STRIP2: variants seen among roughly 807,000 people sequenced by gnomAD.
STRIP2 encodes the protein striatin-interacting protein 2.
A neutral mutation model predicts 107.1 loss-of-function variants in STRIP2; 84 were observed. The observed-to-expected ratio is 0.78, with a 90% CI of 0.66 to 0.94. The LOEUF (loss-of-function observed/expected upper bound fraction) is 0.94, where lower values mean the gene tolerates loss of function less well. Among genes scored for constraint, STRIP2 ranks in the 40% least tolerant of loss-of-function variants. The pLI is 0.00. For missense variants in STRIP2, 888 were observed against 1,034.2 expected (o/e 0.86, Z 1.94); for synonymous variants, 394 against 400.4 (o/e 0.98, Z 0.19).
At chr7:129,449,459 A>G (rs982388993) in intron 3 of STRIP2, among the ~76,000 whole-genome samples, 1 of 152,210 alleles carries the variant, frequency 6.6e-6, no homozygotes, top group Non-Finnish European at 1.5e-5. Flanking sequence ...GGCAACTGCC[A>G]TCACTGTTGC....
intron 5 of STRIP2, 56 bp downstream of exon 5, chr7:129,453,403 C>T (rs1171215674): frequency 2.5e-6 from 4 of 1,604,466 alleles, no homozygotes; most frequent in Non-Finnish European, 3.4e-6. Context: ...TTAAAGGGGC[C>T]TCATGTTCTA....
chr7:129,443,240 A>T (rs558215631), intron 2 of STRIP2, among the ~76,000 whole-genome samples: 1 of 152,020 alleles, frequency 6.6e-6, no homozygotes, highest in African/African-American at 2.4e-5. Context: ...GGGTCATGCT[A>T]TGTTGCCCAG....
intron 3 of STRIP2, among the ~76,000 whole-genome samples, chr7:129,447,527 A>C (rs894324266): frequency 2.0e-5 from 3 of 152,214 alleles, no homozygotes; most frequent in African/African-American, 7.2e-5. Context: ...TAATGTCATC[A>C]ATGTAATGGA....
At chr7:129,436,835 C>T (rs77584071) in intron 1 of STRIP2, among the ~76,000 whole-genome samples, 1,891 of 152,316 alleles carry the variant, frequency 0.012, 37 homozygotes, top group African/African-American at 0.043. Flanking sequence ...CCTTCTCCCA[C>T]TGGCTTAGTG....
chr7:129,488,051 A>G lies in STRIP2; in HGVS notation c.*2222A>G, dbSNP rs189804170. On this transcript the variant is annotated 3_prime_UTR_variant, in exon 21 of 21. Coordinates refer to ENST00000249344, the MANE Select transcript of STRIP2 (RefSeq NM_020704.3). Reference sequence around the variant, plus strand: ...CTTTCAGGTATTGACAGCCAGCCCCATATATTAAGGTAACCAGGTTGAATC... The same window carrying G: ...CTTTCAGGTATTGACAGCCAGCCCCGTATATTAAGGTAACCAGGTTGAATC... 1 of 152,310 alleles carries G rather than the reference A, an allele frequency of 6.6e-6. No homozygotes were observed. The highest frequency in any genetic ancestry group is 2.4e-5 in the African/African-American group (1 of 41,576). The allele number at this position is 152,310 out of a possible 1,614,324, so 9.4% of individuals were successfully genotyped here. A position where few individuals can be genotyped will look rare whatever the true frequency, so the allele number is the denominator to read the frequency against.
chr7:129,456,685 C>A, intron 9 of STRIP2, 43 bp downstream of exon 9: 1 of 1,541,096 alleles, frequency 6.5e-7, no homozygotes, highest in Non-Finnish European at 8.9e-7. Context: ...ACCGACTGGC[C>A]AAAAATCAAG....
Position 129,458,722 on chromosome 7 carries a change from A to C in STRIP2, c.1285A>C (p.Ile429Leu), listed in dbSNP as rs375518925. ...CCACCATCCTCTCAGACAGAAGGAC[A>C]TTGAGCACTTCTTGGAGATGAGCAG... Reference protein sequence around the residue: ...PWAPKVRQKDIEHFLEMSRNK... With the variant: ...PWAPKVRQKDLEHFLEMSRNK... Residue 429 changes from isoleucine (I) to leucine (L), a missense_variant, in exon 11 of 21, where the codon ATT (isoleucine) becomes CTT (leucine). Coordinates refer to ENST00000249344, the MANE Select transcript of STRIP2 (RefSeq NM_020704.3). This position sits in a 1 kb window ranked among gnomAD's most constrained non-coding sequence, Gnocchi z 4.6. 41 of 1,614,050 alleles carry C rather than the reference A, an allele frequency of 2.5e-5. No individual in the cohort carries two copies. Among genetic ancestry groups the C allele is most frequent in the Non-Finnish European group, 3.4e-5 (40 of 1,180,026 alleles).
chr7:129,474,653 G>T lies in STRIP2; in HGVS notation c.1944+3938G>T, dbSNP rs550096928. On this transcript the variant is annotated intron_variant, in intron 18 of 20. Coordinates refer to ENST00000249344, the MANE Select transcript of STRIP2 (RefSeq NM_020704.3). The stretch of plus-strand genomic sequence containing the variant: ...ACCTCCCAAGTAGCTGGGATTACAG[G>T]TGTGTGCCATTACTGCCCAGCTAAT... 4.3e-4 allele frequency among the ~76,000 whole-genome samples: 65 copies of T among 152,236 alleles called. No individual in the cohort carries two copies. The East Asian group carries it at 0.012, about 28-fold the overall frequency.
At position 129,458,665 on chromosome 7, in the gene STRIP2, T is replaced by C. The variant is rs746557061; in HGVS notation, c.1275-47T>C. Reference sequence around the variant, plus strand: ...CGGAAAGTTTTTCTCTCTCAAAGTTTGCTTTTCTTCCCTTCTCTGGGATTG... The same window carrying C: ...CGGAAAGTTTTTCTCTCTCAAAGTTCGCTTTTCTTCCCTTCTCTGGGATTG... On this transcript the variant is annotated intron_variant, in intron 10 of 20. Coordinates refer to ENST00000249344, the MANE Select transcript of STRIP2 (RefSeq NM_020704.3). The surrounding 1 kb of genome is among the most constrained non-coding windows in gnomAD (Gnocchi z 4.6). 1 of 1,608,212 alleles carries C rather than the reference T, an allele frequency of 6.2e-7. No homozygotes were observed. Among genetic ancestry groups the C allele is most frequent in the Non-Finnish European group, 8.5e-7 (1 of 1,174,714 alleles).
At chr7:129,474,835 C>T (rs967058522) in intron 18 of STRIP2, among the ~76,000 whole-genome samples, 3 of 152,162 alleles carry the variant, frequency 2.0e-5, no homozygotes, top group Admixed American at 2.0e-4. Context: ...TATATTTTTT[C>T]AGTTTTCTGA....
chr7:129,435,300 C>T (rs1797704794), intron 1 of STRIP2, among the ~76,000 whole-genome samples: 1 of 152,172 alleles, frequency 6.6e-6, no homozygotes, highest in South Asian at 2.1e-4. Context: ...AAAAAGAAAC[C>T]CTATCTATGA....
chr7:129,438,843 A>T (rs1176709296), intron 1 of STRIP2, among the ~76,000 whole-genome samples: 1 of 152,224 alleles, frequency 6.6e-6, no homozygotes, highest in Non-Finnish European at 1.5e-5. Context: ...TAATTTTATT[A>T]TAAAGGATAT....
chr7:129,484,419 T>C (rs1176515316), intron 20 of STRIP2: 1 of 152,238 alleles, frequency 6.6e-6, no homozygotes, highest in Non-Finnish European at 1.5e-5. Flanking sequence ...TATTTGAGAA[T>C]TTTTGGTAAT....
chr7:129,464,127 A>G lies in STRIP2; in HGVS notation c.1635A>G (p.Leu545=), dbSNP rs1387303058. Residue 545 remains leucine (L), a synonymous_variant, in exon 15 of 21, where the codon CTA becomes CTG. Transcript: ENST00000249344. ...TDSINILADV[L]PEEMPITVLQ... is the part of the protein sequence containing the mutation. ...CTATCAATATCCTGGCAGATGTCCTACCTGAGGAGATGCCGTGAGTGCTTC... is the reference window on the plus strand; with the variant it reads ...CTATCAATATCCTGGCAGATGTCCTGCCTGAGGAGATGCCGTGAGTGCTTC... 4 of 1,611,786 alleles carry G rather than the reference A, an allele frequency of 2.5e-6. No individual in the cohort carries two copies. Among genetic ancestry groups the G allele is most frequent in the Non-Finnish European group, 3.4e-6 (4 of 1,179,742 alleles).
chr7:129,460,290 A>G lies in STRIP2; in HGVS notation c.1405-11A>G. 6.2e-7 allele frequency: 1 copy of G among 1,612,768 alleles called. No homozygotes were observed. The highest frequency in any genetic ancestry group is 1.1e-5 in the South Asian group (1 of 90,788). Reference sequence around the variant, plus strand: ...CCTCAGCCCTTGTTGATGTCTTCTTATCTTTGTCAGCACAAGTATATCTCC... The same window carrying G: ...CCTCAGCCCTTGTTGATGTCTTCTTGTCTTTGTCAGCACAAGTATATCTCC... On this transcript the variant is annotated splice_polypyrimidine_tract_variant and intron_variant, in intron 12 of 20. Transcript: ENST00000249344.
At chr7:129,469,774 G>C (rs983558801) in intron 17 of STRIP2, among the ~76,000 whole-genome samples, 1 of 152,214 alleles carries the variant, frequency 6.6e-6, no homozygotes, top group African/African-American at 2.4e-5. Context: ...AAAATGTAGA[G>C]ACAGGTTCAT....
chr7:129,449,736 A>G (rs1399703720), intron 3 of STRIP2, among the ~76,000 whole-genome samples: 4 of 152,188 alleles, frequency 2.6e-5, no homozygotes, highest in Non-Finnish European at 5.9e-5. Context: ...TGCATCTTTC[A>G]TTGCAGTTCA....
Position 129,455,368 on chromosome 7 carries a change from C to A in STRIP2, c.831C>A (p.Val277=). Residue 277 remains valine (V), a synonymous_variant, in exon 8 of 21, where the codon GTC becomes GTA. Transcript: ENST00000249344. ...KKVLLLLWKV[V]MFTLGGFEHL... ...TCCTGCTCCTGCTCTGGAAGGTGGT[C>A]ATGGTGAGTAATTCTCCCCACTCCC... 1 of 1,612,108 alleles carries A rather than the reference C, an allele frequency of 6.2e-7. No homozygotes were observed. Among genetic ancestry groups the A allele is most frequent in the South Asian group, 1.1e-5 (1 of 90,682 alleles).
chr7:129,459,620 C>T (rs749244047), intron 12 of STRIP2, 40 bp downstream of exon 12: 2 of 1,561,642 alleles, frequency 1.3e-6, no homozygotes, highest in East Asian at 2.2e-5. Context: ...GATAGGGAGC[C>T]ATCAAAGCAG....
Sources: allele counts gnomAD v4.1 joint callset (sites outside exome capture counted in the v4.1 genomes callset), GRCh38; gene constraint gnomAD v4.1.1; non-coding constraint Gnocchi (gnomAD v3.1); transcripts MANE v1.5; gene names NCBI Gene and HGNC (gene_info 2026-07-23, HGNC 2026-07-21).